CFAP45: variants seen among roughly 807,000 people sequenced by gnomAD.
CFAP45 encodes cilia and flagella associated protein 45.
Under a neutral mutation model 75.6 loss-of-function variants are expected in CFAP45, and 43 were observed. The ratio of observed to expected loss-of-function variants is 0.57; its 90% CI spans 0.45 to 0.73. The LOEUF is 0.73. Among genes scored for constraint, CFAP45 ranks in the 30% least tolerant of loss-of-function variants. The pLI, the probability that CFAP45 is intolerant of heterozygous loss-of-function variation, is 0.00. For missense variants in CFAP45, 689 were observed against 701.5 expected, an observed-to-expected ratio of 0.98 and a Z score of 0.20; for synonymous variants, 223 against 244.6, an observed-to-expected ratio of 0.91 and a Z score of 0.82.
intron 7 of CFAP45, among the ~76,000 whole-genome samples, chr1:159,883,623 A>AATATATATATATATATATATATAT (rs59275156): frequency 2.5e-4 from 18 of 72,106 alleles, no homozygotes; most frequent in Admixed American, 5.6e-4. Context: ...TTAACAATAA[A>AATATATATATATATATATATATAT]ATATATATAT....
chr1:159,888,067 G>A, intron 4 of CFAP45, 56 bp from the exon 5 acceptor site: 2 of 1,555,694 alleles, frequency 1.3e-6, no homozygotes, highest in Admixed American at 1.7e-5. Flanking sequence ...CTGTGCCCTG[G>A]GCGCTAGCCT....
In CFAP45 at chr1:159,900,113, G is replaced by A; in HGVS notation, c.-15C>T. 6.2e-7 allele frequency: 1 copy of A among 1,613,912 alleles called. No individual in the cohort carries two copies. Among genetic ancestry groups the A allele is most frequent in the Non-Finnish European group, 8.5e-7 (1 of 1,179,924 alleles). ...TCCCTCACCATCTCCTCAGCCACAC[G>A]CCCTGACTCCGGACTTCTGCTGCCG... On this transcript the variant is annotated 5_prime_UTR_variant, in exon 1 of 12. Coordinates refer to ENST00000368099, the MANE Select transcript of CFAP45 (RefSeq NM_012337.3).
rs771792876 is a variant in CFAP45 at position 159,873,072 on chromosome 1, G to C, written c.1449C>G (p.Arg483=). 10 of 1,614,068 alleles carry C rather than the reference G, an allele frequency of 6.2e-6. No individual in the cohort carries two copies. In the East Asian group the frequency reaches 1.3e-4, roughly 22 times the overall value. The stretch of plus-strand genomic sequence containing the variant: ...TCTGCACTTCCTTCTGCTGGTTCTC[G>C]CGCACCTGGCGCCGGAGCTCATTGG... The part of the protein sequence containing the change: ...QHANELRRQV[R]ENQQKEVQNR... The change falls in exon 11 of 12, where the codon CGC becomes CGG. Residue 483 remains arginine, a synonymous_variant. Coordinates refer to ENST00000368099, the MANE Select transcript of CFAP45 (RefSeq NM_012337.3).
chr1:159,890,822 G>C (rs377637211), intron 2 of CFAP45, among the ~76,000 whole-genome samples, 200 bp from the exon 3 acceptor site: 1 of 140,248 alleles, frequency 7.1e-6, no homozygotes, highest in African/African-American at 2.6e-5. Flanking sequence ...GCAGTGGCAC[G>C]ATCTTGGCTC....
chr1:159,885,514 T>C (rs150974068), intron 6 of CFAP45, among the ~76,000 whole-genome samples: 1 of 152,324 alleles, frequency 6.6e-6, no homozygotes, highest in African/African-American at 2.4e-5. Context: ...TATTGTATGG[T>C]TGGCGTTCTA....
chr1:159,876,791 T>C (rs1350792857), intron 9 of CFAP45, 42 bp from the exon 10 acceptor site: 10 of 1,610,242 alleles, frequency 6.2e-6, no homozygotes, highest in Non-Finnish European at 8.5e-6. Flanking sequence ...ACAAAATAGC[T>C]GGAAGTACAG....
At chr1:159,889,753 C>T (rs553986638) in intron 3 of CFAP45, among the ~76,000 whole-genome samples, 3 of 152,288 alleles carry the variant, frequency 2.0e-5, no homozygotes, top group South Asian at 4.1e-4. Context: ...ACACAGCTCC[C>T]GGGGTGTGTG....
At chr1:159,882,898 C>T (rs1348490147) in intron 7 of CFAP45, among the ~76,000 whole-genome samples, 2 of 152,206 alleles carry the variant, frequency 1.3e-5, no homozygotes, top group African/African-American at 4.8e-5. Flanking sequence ...GGCCAGGTCT[C>T]TCATTGCCTT....
At chr1:159,887,720 T>TC in intron 5 of CFAP45, 121 bp downstream of exon 5, 1 of 1,004,474 alleles carries the variant, frequency 1.0e-6, no homozygotes, top group Non-Finnish European at 1.5e-6. Flanking sequence ...GGTGCAGCTC[T>TC]CCCCCGCCCC....
rs965390100 is a variant in CFAP45, at chr1:159,890,757, C to CTTTTT, written c.130-140_130-136dup. On this transcript the variant is annotated intron_variant, in intron 2 of 11. Coordinates refer to ENST00000368099, the MANE Select transcript of CFAP45 (RefSeq NM_012337.3). Reference sequence around the variant, plus strand: ...ATGTGTACCGACCAGCTTTTCTTTTCTTTTTTTTTTTTTTTTTTTGAGACA... The same window carrying CTTTTT: ...ATGTGTACCGACCAGCTTTTCTTTTCTTTTTTTTTTTTTTTTTTTTTTTTGAGACA... The CTTTTT allele has an allele frequency of 8.8e-4, 280 of 319,208 alleles. 1 individual carries two copies. Among genetic ancestry groups the CTTTTT allele is most frequent in the African/African-American group, 1.4e-3 (48 of 34,040 alleles). The allele number at this position is 319,208 out of a possible 1,614,324, so 19.8% of individuals were successfully genotyped here.
chr1:159,894,238 C>T (rs1450026509), intron 1 of CFAP45, among the ~76,000 whole-genome samples: 1 of 152,182 alleles, frequency 6.6e-6, no homozygotes, highest in Non-Finnish European at 1.5e-5. Flanking sequence ...GCAGGAATGG[C>T]AGGAGGAGAG....
chr1:159,883,773 T>G (rs1195521812), intron 7 of CFAP45, among the ~76,000 whole-genome samples: 1 of 151,952 alleles, frequency 6.6e-6, no homozygotes, highest in Non-Finnish European at 1.5e-5. Context: ...GCAAAATTTT[T>G]CAAAATAAAA....
At chr1:159,881,143 C>G (rs943311227) in intron 7 of CFAP45, among the ~76,000 whole-genome samples, 24 of 152,298 alleles carry the variant, frequency 1.6e-4, no homozygotes, top group African/African-American at 5.5e-4. Flanking sequence ...CTTTCTATTT[C>G]TTGAGCACTG....
intron 10 of CFAP45, among the ~76,000 whole-genome samples, chr1:159,875,756 A>G (rs1649384504): frequency 6.6e-6 from 1 of 152,206 alleles, no homozygotes; most frequent in South Asian, 2.1e-4. Flanking sequence ...TCCCAGTTAG[A>G]CCAGGAGAAC....
chr1:159,888,559 G>A lies in CFAP45; in HGVS notation c.273-63C>T, dbSNP rs1649750547. The stretch of plus-strand genomic sequence containing the variant: ...GAAAGCTCTCAGCACCACACTTCAG[G>A]CTTCTCTGCTCTCTTCCCCTCTTCC... On this transcript the variant is annotated intron_variant, in intron 3 of 11. Transcript: ENST00000368099. 1.9e-5 allele frequency: 28 copies of A among 1,457,112 alleles called. 1 individual carries two copies. Among genetic ancestry groups the A allele is most frequent in the South Asian group, 1.9e-4 (16 of 84,450 alleles). The allele number at this position is 1,457,112 out of a possible 1,614,324, so 90.3% of individuals were successfully genotyped here.
chr1:159,883,579 G>A lies in CFAP45; in HGVS notation c.897+857C>T, dbSNP rs372055719. ...GCAGGCTGAAGCATTTAGTGGCAGA[G>A]TGTCAAGATATCTGCAACTTACTTT... On this transcript the variant is annotated intron_variant, in intron 7 of 11. Transcript: ENST00000368099. Among the ~76,000 whole-genome samples the A allele has an allele frequency of 9.2e-5, 14 of 151,436 alleles. No individual in the cohort carries two copies. The East Asian group carries it at 2.3e-3, about 25-fold the overall frequency.
chr1:159,880,497 T>G, intron 8 of CFAP45, 57 bp downstream of exon 8: 1 of 1,529,910 alleles, frequency 6.5e-7, no homozygotes. Context: ...CAGGCCCTCC[T>G]CTCCCTGTGA....
chr1:159,897,332 C>T (rs1035645460), intron 1 of CFAP45, among the ~76,000 whole-genome samples: 6 of 149,540 alleles, frequency 4.0e-5, no homozygotes, highest in Non-Finnish European at 8.9e-5. Context: ...GCCTGTAATC[C>T]CAGCACTTTG....
At position 159,890,618 on chromosome 1, in the gene CFAP45, G is replaced by A; in HGVS notation, c.134C>T (p.Pro45Leu). The A allele has an allele frequency of 6.2e-7, 1 of 1,613,972 alleles. No homozygotes were observed. ...DESLFGDIKSPAQGQSDSPIV... is the reference protein window; with the variant it reads ...DESLFGDIKSLAQGQSDSPIV... ...GGGGCTGTCGCTCTGGCCCTGGGCT[G>A]GGGACTATGAGTTCAGAAAGAATAG... The change falls in exon 3 of 12, where the codon CCA becomes CTA. Residue 45 changes from proline to leucine, a missense_variant. By Grantham distance (98) the Pro-to-Leu change is moderately conservative. Transcript: ENST00000368099.
Sources: gnomAD v4.1 joint callset for allele counts (sites outside exome capture counted in the v4.1 genomes callset) on GRCh38, gnomAD v4.1.1 for gene constraint, MANE v1.5 for transcripts, NCBI Gene and HGNC (gene_info 2026-07-23, HGNC 2026-07-21) for gene names.